The following RPS6KC1 variants were observed in gnomAD, a reference collection of about 807,000 sequenced individuals.
The protein encoded by RPS6KC1 is ribosomal protein S6 kinase C1.
RPS6KC1 carries 54 observed loss-of-function variants against 103.8 expected under a neutral mutation model. That is an observed-to-expected ratio of 0.52 (90% CI 0.42 to 0.65). The LOEUF (loss-of-function observed/expected upper bound fraction) is 0.65, where lower values mean the gene tolerates loss of function less well. RPS6KC1 is among the 30% of genes least tolerant of loss of function. RPS6KC1 has a pLI of 0.00. For missense variants in RPS6KC1, 1,151 were observed against 1,253.8 expected (o/e 0.92, Z 1.24); for synonymous variants, 439 against 438.7 (o/e 1.00, Z -0.01).
chr1:213,816,217 C>A, the RPS6KC1 span, among the ~76,000 whole-genome samples: 2,347 of 152,132 alleles, frequency 0.015, 68 homozygotes, highest in African/African-American at 0.053. Context: ...GGGAGAACTA[C>A]CAAAATGTGA....
chr1:213,548,506 C>T, the RPS6KC1 span, among the ~76,000 whole-genome samples: 15 of 152,024 alleles, frequency 9.9e-5, no homozygotes, highest in Admixed American at 7.2e-4. Flanking sequence ...ACTAAAAGTA[C>T]AAAAATTAGC....
intron 1 of RPS6KC1, among the ~76,000 whole-genome samples, chr1:213,055,707 G>A (rs1233210636): frequency 6.6e-6 from 1 of 152,124 alleles, no homozygotes. Flanking sequence ...GAATCAGCTT[G>A]TCTGGTTTCT....
the RPS6KC1 span, among the ~76,000 whole-genome samples, chr1:213,802,366 A>G: frequency 6.6e-6 from 1 of 152,214 alleles, no homozygotes; most frequent in African/African-American, 2.4e-5. Context: ...AATCCAATCT[A>G]CTATTGCTGC....
At chr1:213,782,647 AGAGAG>A in the RPS6KC1 span, among the ~76,000 whole-genome samples, 2 of 152,196 alleles carry the variant, frequency 1.3e-5, no homozygotes, top group African/African-American at 4.8e-5. Flanking sequence ...AGGAGGAAGA[AGAGAG>A]GGAGGAGCAG....
At chr1:213,293,601 G>A in the RPS6KC1 span, among the ~76,000 whole-genome samples, 5 of 152,188 alleles carry the variant, frequency 3.3e-5, no homozygotes, top group African/African-American at 9.6e-5. Flanking sequence ...GAGCCCAGGA[G>A]TTTGAGGCTG....
the RPS6KC1 span, among the ~76,000 whole-genome samples, chr1:213,659,046 C>G: frequency 1.3e-5 from 2 of 152,034 alleles, no homozygotes; most frequent in African/African-American, 4.8e-5. Context: ...CTCACCGCAA[C>G]CTCCGCCTCC....
At chr1:213,559,991 CG>C in the RPS6KC1 span, among the ~76,000 whole-genome samples, 1 of 151,900 alleles carries the variant, frequency 6.6e-6, no homozygotes, top group Non-Finnish European at 1.5e-5. Context: ...TAGTATTTCA[CG>C]GATGCTGACA....
chr1:213,412,619 C>T, the RPS6KC1 span, among the ~76,000 whole-genome samples: 1 of 152,220 alleles, frequency 6.6e-6, no homozygotes, highest in Non-Finnish European at 1.5e-5. Flanking sequence ...GTGATGTAGT[C>T]TTGGCCAGTT....
chr1:213,728,737 T>A, the RPS6KC1 span, among the ~76,000 whole-genome samples: 1 of 151,942 alleles, frequency 6.6e-6, no homozygotes. Flanking sequence ...GGAGGGGGGA[T>A]GGCAATTCTG....
At chr1:213,752,838 GTCCACTTAGAC>G in the RPS6KC1 span, among the ~76,000 whole-genome samples, 279 of 152,218 alleles carry the variant, frequency 1.8e-3, no homozygotes, top group Middle Eastern at 0.01. Flanking sequence ...CCTCCAATCT[GTCCACTTAGAC>G]TCCTTCCCCT....
chr1:213,672,139 C>G, the RPS6KC1 span, among the ~76,000 whole-genome samples: 17 of 152,100 alleles, frequency 1.1e-4, no homozygotes, highest in African/African-American at 4.1e-4. Context: ...TCTCCAAAAC[C>G]TTGTCCCACT....
intron 8 of RPS6KC1, among the ~76,000 whole-genome samples, chr1:213,227,657 T>C (rs2093990750): frequency 6.6e-6 from 1 of 152,204 alleles, no homozygotes; most frequent in Admixed American, 6.5e-5. Context: ...TGCGCTATAC[T>C]CCTAGAAGTT....
At chr1:213,784,640 G>A in the RPS6KC1 span, among the ~76,000 whole-genome samples, 4 of 152,204 alleles carry the variant, frequency 2.6e-5, no homozygotes, top group Non-Finnish European at 5.9e-5. Flanking sequence ...CTGAGACTAA[G>A]TGATGGGAGC....
the RPS6KC1 span, among the ~76,000 whole-genome samples, chr1:213,680,442 G>A: frequency 6.6e-6 from 1 of 152,186 alleles, no homozygotes; most frequent in Non-Finnish European, 1.5e-5. Context: ...ATGAGCAGGT[G>A]AGCTGAGGGG....
At chr1:213,418,094 C>T in the RPS6KC1 span, among the ~76,000 whole-genome samples, 445 of 152,152 alleles carry the variant, frequency 2.9e-3, 1 homozygote, top group African/African-American at 6.4e-3. Flanking sequence ...TCTTGGAGCA[C>T]GAGGGTGATG....
chr1:213,397,544 G>A, the RPS6KC1 span, among the ~76,000 whole-genome samples: 1 of 150,632 alleles, frequency 6.6e-6, no homozygotes, highest in African/African-American at 2.4e-5. Flanking sequence ...TGGGGAATCT[G>A]GGGTGTGAGG....
At chr1:213,094,527 A>T (rs537445039) in intron 3 of RPS6KC1, among the ~76,000 whole-genome samples, 7 of 152,086 alleles carry the variant, frequency 4.6e-5, no homozygotes, top group Non-Finnish European at 8.8e-5. Context: ...TTCACAAGCT[A>T]TATCTGTCTG....
At chr1:213,570,487 G>A in the RPS6KC1 span, among the ~76,000 whole-genome samples, 2 of 152,172 alleles carry the variant, frequency 1.3e-5, no homozygotes, top group Non-Finnish European at 2.9e-5. Context: ...CCCTTTTGCA[G>A]GAGAGTTGTA....
chr1:213,633,120 C>T, the RPS6KC1 span, among the ~76,000 whole-genome samples: 1 of 152,224 alleles, frequency 6.6e-6, no homozygotes, highest in Admixed American at 6.5e-5. Flanking sequence ...TTGGAAAACA[C>T]TCTTGAGGAT....
Sources: gnomAD v4.1 joint callset for allele counts (sites outside exome capture counted in the v4.1 genomes callset) on GRCh38, gnomAD v4.1.1 for gene constraint, MANE v1.5 for transcripts, NCBI Gene and HGNC (gene_info 2026-07-23, HGNC 2026-07-21) for gene names.